The following EYS variants were observed in gnomAD, a reference collection of about 807,000 sequenced individuals.
EYS encodes the protein EGF-like photoreceptor maintenance factor.
EYS carries 250 observed loss-of-function variants against 282.1 expected under a neutral mutation model. That is an observed-to-expected ratio of 0.89 (90% CI 0.80 to 0.98). The LOEUF (loss-of-function observed/expected upper bound fraction) is 0.98. EYS is among the 50% of genes least tolerant of loss of function. The probability of loss-of-function intolerance (pLI) is 0.00; values close to 1 mark genes in which losing one functional copy is unlikely to be tolerated. For missense variants in EYS, 4,016 were observed against 3,709.0 expected, an observed-to-expected ratio of 1.08 and a Z score of -2.15; for synonymous variants, 1,355 against 1,282.9, an observed-to-expected ratio of 1.06 and a Z score of -1.20.
At chr6:65,105,406 A>C (rs1775007761) in intron 12 of EYS, among the ~76,000 whole-genome samples, 1 of 151,864 alleles carries the variant, frequency 6.6e-6, no homozygotes, top group East Asian at 1.9e-4. Context: ...ATATCATTAT[A>C]TACACACACG....
chr6:64,428,510 A>T (rs773072799), intron 28 of EYS, among the ~76,000 whole-genome samples: 1 of 152,172 alleles, frequency 6.6e-6, no homozygotes, highest in Non-Finnish European at 1.5e-5. Context: ...AGTAAAAAAC[A>T]TCATCAAAAA....
At chr6:65,049,839 A>C (rs1773213187) in intron 13 of EYS, among the ~76,000 whole-genome samples, 1 of 151,752 alleles carries the variant, frequency 6.6e-6, no homozygotes, top group African/African-American at 2.4e-5. Context: ...CAGACCTGTC[A>C]TCCTATTGTT....
intron 8 of EYS, 75 bp from the exon 9 acceptor site, chr6:65,353,692 A>C: frequency 7.8e-7 from 1 of 1,281,206 alleles, no homozygotes; most frequent in Non-Finnish European, 1.1e-6. Flanking sequence ...TAACATAAAC[A>C]GCTAATTTTT....
At chr6:64,859,220 T>C (rs575231466) in intron 19 of EYS, among the ~76,000 whole-genome samples, 5 of 147,766 alleles carry the variant, frequency 3.4e-5, no homozygotes, top group African/African-American at 9.8e-5. Flanking sequence ...TATTTATATC[T>C]AATATATTTA....
intron 8 of EYS, among the ~76,000 whole-genome samples, chr6:65,382,457 C>CTGTGTGTGTGTGTGTCTG (rs1554190266): frequency 1.9e-4 from 21 of 112,016 alleles, no homozygotes; most frequent in South Asian, 1.7e-3. Flanking sequence ...CTCCTTTCCT[C>CTGTGTGTGTGTGTGTCTG]TGTGTGTGTG....
At chr6:65,623,628 G>C (rs1305264028) in intron 2 of EYS, among the ~76,000 whole-genome samples, 6 of 152,060 alleles carry the variant, frequency 3.9e-5, no homozygotes, top group Admixed American at 3.9e-4. Flanking sequence ...AGCGATAAAA[G>C]GTTAGCCTGG....
chr6:64,389,817 G>A (rs1773046959), intron 28 of EYS, among the ~76,000 whole-genome samples: 1 of 152,186 alleles, frequency 6.6e-6, no homozygotes, highest in Non-Finnish European at 1.5e-5. Flanking sequence ...CCCAGCGTGA[G>A]CGACGCAGAA....
intron 12 of EYS, among the ~76,000 whole-genome samples, chr6:65,102,327 C>T (rs1251915033): frequency 6.6e-6 from 1 of 151,262 alleles, no homozygotes; most frequent in East Asian, 1.9e-4. Flanking sequence ...TCATTTTTAA[C>T]ACAGCATTAT....
intron 12 of EYS, among the ~76,000 whole-genome samples, chr6:65,240,346 G>A (rs563965646): frequency 1.8e-4 from 27 of 152,102 alleles, no homozygotes; most frequent in Admixed American, 3.9e-4. Context: ...ATTGCTTGAT[G>A]GTGACATTTC....
intron 31 of EYS, among the ~76,000 whole-genome samples, chr6:64,166,156 G>T (rs1432261722): frequency 1.3e-5 from 2 of 152,132 alleles, no homozygotes; most frequent in Non-Finnish European, 2.9e-5. Flanking sequence ...TACTCAAGTT[G>T]CTTCAATGCT....
chr6:65,232,996 A>G (rs1236349910), intron 12 of EYS, among the ~76,000 whole-genome samples: 1 of 152,094 alleles, frequency 6.6e-6, no homozygotes, highest in East Asian at 1.9e-4. Context: ...TTTTCATTTC[A>G]GTTCATTAAA....
rs575147483 is a variant in EYS, at chr6:64,654,345, T to C, written c.3444-28100A>G. On this transcript the variant is annotated intron_variant, in intron 22 of 42. Transcript: ENST00000503581. ...CATTCAATAATCATTTAAGGATTCA[T>C]TGAAATCCAAAAATTGGCTAAGAAA... Among the ~76,000 whole-genome samples the C allele has an allele frequency of 2.6e-5, 4 of 152,314 alleles. 1 individual carries two copies. In the South Asian group the frequency reaches 8.3e-4, roughly 32 times the overall value.
intron 1 of EYS, among the ~76,000 whole-genome samples, chr6:65,700,926 G>T (rs1769652200): frequency 6.6e-6 from 1 of 152,034 alleles, no homozygotes; most frequent in African/African-American, 2.4e-5. Flanking sequence ...CCTTGTTTGG[G>T]GACCAATCTA....
chr6:65,286,781 C>T (rs961052727), intron 12 of EYS, among the ~76,000 whole-genome samples: 1 of 151,546 alleles, frequency 6.6e-6, no homozygotes, highest in Non-Finnish European at 1.5e-5. Flanking sequence ...TTAAAATTAT[C>T]TGTGGTCTTG....
chr6:63,972,236 T>A (rs1011323455), intron 35 of EYS, among the ~76,000 whole-genome samples: 2 of 152,230 alleles, frequency 1.3e-5, no homozygotes, highest in Non-Finnish European at 2.9e-5. Context: ...ATGTGACATT[T>A]TATGAATTTG....
At chr6:63,798,793 C>T (rs536518116) in intron 37 of EYS, among the ~76,000 whole-genome samples, 2 of 151,922 alleles carry the variant, frequency 1.3e-5, no homozygotes, top group Admixed American at 6.6e-5. Flanking sequence ...TTGAAGCAAA[C>T]AAGAAATTAT....
intron 8 of EYS, 114 bp downstream of exon 8, chr6:65,384,272 A>G: frequency 1.5e-6 from 1 of 682,950 alleles, no homozygotes; most frequent in Non-Finnish European, 2.6e-6. Context: ...TTAAATATAG[A>G]TATAAGGATA....
At chr6:64,123,735 G>A (rs1562212896) in intron 31 of EYS, among the ~76,000 whole-genome samples, 1 of 152,142 alleles carries the variant, frequency 6.6e-6, no homozygotes, top group South Asian at 2.1e-4. Flanking sequence ...GTCCCCTTTA[G>A]GGCCTGGCAG....
In EYS at chr6:64,848,674, A is replaced by C. The variant is rs193198229; in HGVS notation, c.2993-25852T>G. Among the ~76,000 whole-genome samples, 89 of 152,246 alleles carry C rather than the reference A, an allele frequency of 5.8e-4. 1 individual carries two copies. The highest frequency in any genetic ancestry group is 1.8e-3 in the African/African-American group (76 of 41,576). Reference sequence around the variant, plus strand: ...TGTCTTAGTTGTACTGAACAAGCGAATGCAGCTGGTGTAAATAGCGTGGTC... The same window carrying C: ...TGTCTTAGTTGTACTGAACAAGCGACTGCAGCTGGTGTAAATAGCGTGGTC... On this transcript the variant is annotated intron_variant, in intron 19 of 42. Coordinates refer to ENST00000503581, the MANE Select transcript of EYS (RefSeq NM_001142800.2).
Sources: allele counts gnomAD v4.1 joint callset (sites outside exome capture counted in the v4.1 genomes callset), GRCh38; gene constraint gnomAD v4.1.1; transcripts MANE v1.5; gene names NCBI Gene and HGNC (gene_info 2026-07-23, HGNC 2026-07-21).